The following UBN1 variants were observed in gnomAD, a reference collection of about 807,000 sequenced individuals.
UBN1 encodes ubinuclein 1.
Under a neutral mutation model 108.5 loss-of-function variants are expected in UBN1, and 17 were observed. That is an observed-to-expected ratio of 0.16 (90% CI 0.11 to 0.24). UBN1 has a LOEUF of 0.24. UBN1 is among the 10% of genes least tolerant of loss of function. The pLI is 1.00. For synonymous variants in UBN1, 726 were observed against 564.2 expected, an observed-to-expected ratio of 1.29 and a Z score of -4.07; for missense variants, 1,595 against 1,394.4, an observed-to-expected ratio of 1.14 and a Z score of -2.29.
At position 4,881,177 on chromosome 16, in the gene UBN1, C is replaced by CT. The variant is rs749675831; in HGVS notation, c.*1045_*1046insT. 3.9e-4 allele frequency: 59 copies of CT among 152,746 alleles called. No individual in the cohort carries two copies. Among genetic ancestry groups the CT allele is most frequent in the South Asian group, 2.1e-3 (10 of 4,826 alleles). 9.5% of individuals were successfully genotyped at this position (152,746 alleles called of 1,614,324 possible). ...CAAGGATACCAGGGGTCCCAAGTCACAGATAGACATTCCAGTTTGTATTCT... is the reference window on the plus strand; with the variant it reads ...CAAGGATACCAGGGGTCCCAAGTCACTAGATAGACATTCCAGTTTGTATTCT... On this transcript the variant is annotated 3_prime_UTR_variant, in exon 18 of 18. Coordinates refer to ENST00000262376, the MANE Select transcript of UBN1 (RefSeq NM_001079514.3).
chr16:4,852,680 G>C (rs931785622), intron 1 of UBN1, 199 bp from the exon 2 acceptor site: 1 of 452,304 alleles, frequency 2.2e-6, no homozygotes, highest in Non-Finnish European at 3.9e-6. Context: ...AAGACTGGAA[G>C]TATGCTAAGC....
At chr16:4,861,194 T>C (rs960006) in intron 7 of UBN1, 92 bp downstream of exon 7, 687,733 of 1,383,064 alleles carry the variant, frequency 0.5, 173,795 homozygotes, top group African/African-American at 0.7. Flanking sequence ...CCAGAGAAAC[T>C]CTTAGTGAGT....
intron 1 of UBN1, among the ~76,000 whole-genome samples, chr16:4,850,469 C>T (rs532861324): frequency 6.6e-6 from 1 of 152,262 alleles, no homozygotes; most frequent in East Asian, 1.9e-4. Context: ...GAGACTGTTC[C>T]GGTTCTATCA....
In UBN1 at chr16:4,874,925, C is replaced by G. The variant is rs377134221; in HGVS notation, c.2515C>G (p.Arg839Gly). The G allele has an allele frequency of 2.5e-6, 4 of 1,614,024 alleles. No homozygotes were observed. Among genetic ancestry groups the G allele is most frequent in the African/African-American group, 2.7e-5 (2 of 74,924 alleles). Residue 839 changes from arginine (R) to glycine (G), a missense_variant, in exon 15 of 18, where the codon CGT becomes GGT. By Grantham distance (125) the Arg-to-Gly change is moderately radical (BLOSUM62 -2). This residue lies in a region of UBN1 where 1,398 missense variants were observed against 1,194.7 expected (regional missense o/e 1.17). Transcript: ENST00000262376. The stretch of plus-strand genomic sequence containing the variant: ...AAAGGCTTCTCCCACACAGTGTCAT[C>G]GTTCCCTCCTGCAGTTAGTGAAGAC... Reference protein sequence around the residue: ...GPKASPTQCHRSLLQLVKTAA... With the variant: ...GPKASPTQCHGSLLQLVKTAA...
Position 4,874,948 on chromosome 16 carries a change from G to C in UBN1, c.2538G>C (p.Lys846Asn). Residue 846 changes from lysine (K) to asparagine (N), a missense_variant, in exon 15 of 18, where the codon AAG becomes AAC. Lys to Asn is a moderately conservative substitution (Grantham distance 94). Around this residue, in one of 3 missense-constraint regions of UBN1, gnomAD observed 1,398 missense variants for 1,194.7 expected, o/e 1.17. Coordinates refer to ENST00000262376, the MANE Select transcript of UBN1 (RefSeq NM_001079514.3). ...QCHRSLLQLVKTAAKGQGFHP... is the reference protein window; with the variant it reads ...QCHRSLLQLVNTAAKGQGFHP... ...ATCGTTCCCTCCTGCAGTTAGTGAA[G>C]ACAGCGGCCAAAGGCCAGGGCTTCC... is the stretch of plus-strand genomic sequence containing the variant. 1 of 1,614,164 alleles carries C rather than the reference G, an allele frequency of 6.2e-7. No individual in the cohort carries two copies. Among genetic ancestry groups the C allele is most frequent in the Non-Finnish European group, 8.5e-7 (1 of 1,180,050 alleles).
chr16:4,875,330 A>G lies in UBN1; in HGVS notation c.2920A>G (p.Asn974Asp), dbSNP rs772912129. The G allele has an allele frequency of 1.2e-6, 2 of 1,614,180 alleles. No individual in the cohort carries two copies. Among genetic ancestry groups the G allele is most frequent in the South Asian group, 2.2e-5 (2 of 91,084 alleles). Residue 974 changes from asparagine (N) to aspartate (D), a missense_variant, in exon 15 of 18, where the codon AAC becomes GAC. By Grantham distance (23) the Asn-to-Asp change is conservative. Around this residue, in one of 3 missense-constraint regions of UBN1, gnomAD observed 1,398 missense variants for 1,194.7 expected, o/e 1.17. Transcript: ENST00000262376. ...LTLVAPPGGP[N>D]GDSSGGTQGV... ...TCTGGTAGCCCCTCCAGGCGGTCCA[A>G]ACGGAGATTCCAGTGGTGGGACCCA...
chr16:4,879,374 G>C (rs116124142), intron 17 of UBN1, among the ~76,000 whole-genome samples: 2,294 of 152,214 alleles, frequency 0.015, 50 homozygotes, highest in African/African-American at 0.052. Flanking sequence ...AGGAATCAGA[G>C]GGTATAGTGT....
chr16:4,858,893 T>C (rs775054157), intron 4 of UBN1, 132 bp from the exon 5 acceptor site: 3 of 1,238,628 alleles, frequency 2.4e-6, no homozygotes, highest in South Asian at 2.9e-5. Flanking sequence ...ACATTCATGT[T>C]TGACCAGAGG....
In UBN1 at chr16:4,852,930, C is replaced by A. The variant is rs1340430253; in HGVS notation, c.13C>A (p.His5Asn). Residue 5 changes from histidine (H) to asparagine (N), a missense_variant, in exon 2 of 18, where the codon CAC becomes AAC. Around this residue, in one of 3 missense-constraint regions of UBN1, gnomAD observed 181 missense variants for 157.3 expected, o/e 1.15. Transcript: ENST00000262376. The part of the protein sequence containing the change: MSEP[H>N]RVQFTSLPGS... ...CTTGTTGGTAGCCATGTCGGAGCCC[C>A]ACAGGGTCCAGTTCACCTCTCTCCC... The A allele has an allele frequency of 6.2e-7, 1 of 1,613,984 alleles. No homozygotes were observed. The highest frequency in any genetic ancestry group is 2.2e-5 in the East Asian group (1 of 44,890).
chr16:4,867,085 C>T (rs571676722), intron 7 of UBN1, among the ~76,000 whole-genome samples: 1 of 152,148 alleles, frequency 6.6e-6, no homozygotes, highest in Admixed American at 6.5e-5. Context: ...TGGGCCAGAT[C>T]GTGGAGGACC....
chr16:4,869,808 A>G (rs57888602), intron 8 of UBN1, among the ~76,000 whole-genome samples: 3,665 of 152,304 alleles, frequency 0.024, 141 homozygotes, highest in African/African-American at 0.082. Flanking sequence ...CCCTGACCTC[A>G]TAATGGTTGA....
In UBN1 at chr16:4,877,412, C is replaced by A. The variant is rs776717517; in HGVS notation, c.3293C>A (p.Pro1098Gln). The A allele has an allele frequency of 6.2e-7, 1 of 1,612,558 alleles. No individual in the cohort carries two copies. The highest frequency in any genetic ancestry group is 8.5e-7 in the Non-Finnish European group (1 of 1,179,508). ...HSLLAGLHSS[P>Q]PHAAPLPHAA... ...CTTCTGGCTGGCTTGCACTCCAGCC[C>A]GCCCCATGCAGCGCCTCTCCCACAC... is the stretch of plus-strand genomic sequence containing the variant. The change falls in exon 17 of 18, where the codon CCG (proline) becomes CAG (glutamine). Residue 1098 changes from proline to glutamine, a missense_variant. By Grantham distance (76) the Pro-to-Gln change is moderately conservative. Coordinates refer to ENST00000262376, the MANE Select transcript of UBN1 (RefSeq NM_001079514.3). The surrounding 1 kb of genome is among the most constrained non-coding windows in gnomAD (Gnocchi z 4.3).
rs1596532372 is a variant in UBN1 at position 4,877,704 on chromosome 16, G to A, written c.3355+230G>A. The A allele has an allele frequency of 8.1e-7, 1 of 1,232,446 alleles. No homozygotes were observed. Among genetic ancestry groups the A allele is most frequent in the Admixed American group, 4.3e-5 (1 of 23,480 alleles). The allele number at this position is 1,232,446 out of a possible 1,614,324, so 76.3% of individuals were successfully genotyped here. On this transcript the variant is annotated intron_variant, in intron 17 of 17. Coordinates refer to ENST00000262376, the MANE Select transcript of UBN1 (RefSeq NM_001079514.3). The surrounding 1 kb of genome is among the most constrained non-coding windows in gnomAD (Gnocchi z 4.3). ...TGCCGCCAGGTCAGCCTCAGCCTGTGTGATCACAGGGAAAGTTGCGGGGGG... is the reference window on the plus strand; with the variant it reads ...TGCCGCCAGGTCAGCCTCAGCCTGTATGATCACAGGGAAAGTTGCGGGGGG...
Position 4,871,149 on chromosome 16 carries a change from T to A in UBN1, c.1560-6T>A. On this transcript the variant is annotated splice_polypyrimidine_tract_variant and splice_region_variant and intron_variant, in intron 11 of 17. Transcript: ENST00000262376. ...TTGGAGTTTCTGATTTCTGCCTCCTTCTCAGGGAGCTACTGTGCCAGGTGG... is the reference window on the plus strand; with the variant it reads ...TTGGAGTTTCTGATTTCTGCCTCCTACTCAGGGAGCTACTGTGCCAGGTGG... The A allele has an allele frequency of 6.2e-7, 1 of 1,613,774 alleles. No individual in the cohort carries two copies. Among genetic ancestry groups the A allele is most frequent in the Non-Finnish European group, 8.5e-7 (1 of 1,179,922 alleles).
rs945235377 is a variant in UBN1, at chr16:4,847,514, G to T, written c.-736G>T. On this transcript the variant is annotated 5_prime_UTR_variant, in exon 1 of 18. Coordinates refer to ENST00000262376, the MANE Select transcript of UBN1 (RefSeq NM_001079514.3). The stretch of plus-strand genomic sequence containing the variant: ...CCCCCTCCCTTCGGCTCGTGACAAC[G>T]AAGCGCCCGCGGTCTGAGGCGGCGG... 7.8e-6 allele frequency: 4 copies of T among 515,162 alleles called. No individual in the cohort carries two copies. The highest frequency in any genetic ancestry group is 1.3e-5 in the Non-Finnish European group (4 of 299,872). The allele number at this position is 515,162 out of a possible 1,614,324, so 31.9% of individuals were successfully genotyped here.
chr16:4,856,924 A>G, intron 2 of UBN1, among the ~76,000 whole-genome samples: 1 of 152,234 alleles, frequency 6.6e-6, no homozygotes, highest in East Asian at 1.9e-4. Context: ...GTGGTATTTC[A>G]GTAGGCAGAG....
At chr16:4,854,229 TTC>T (rs1163604867) in intron 2 of UBN1, among the ~76,000 whole-genome samples, 1 of 151,050 alleles carries the variant, frequency 6.6e-6, no homozygotes, top group Non-Finnish European at 1.5e-5. Context: ...GAGACAGCGT[TTC>T]AATGTGTTAG....
intron 2 of UBN1, 145 bp downstream of exon 2, chr16:4,853,311 G>C: frequency 1.7e-6 from 2 of 1,159,494 alleles, no homozygotes; most frequent in South Asian, 1.6e-5. Context: ...GCAAGCACAA[G>C]ATTTGCTTCT....
chr16:4,852,756 A>T, intron 1 of UBN1, 123 bp from the exon 2 acceptor site: 1 of 1,076,450 alleles, frequency 9.3e-7, no homozygotes, highest in Non-Finnish European at 1.3e-6. Flanking sequence ...ACAATAAATG[A>T]CAAAATATAA....
Sources: allele counts gnomAD v4.1 joint callset (sites outside exome capture counted in the v4.1 genomes callset), GRCh38; gene constraint gnomAD v4.1.1; regional missense constraint gnomAD v4.1.1; non-coding constraint Gnocchi (gnomAD v3.1); transcripts MANE v1.5; gene names NCBI Gene and HGNC (gene_info 2026-07-23, HGNC 2026-07-21).